PIEZO2: variants seen among roughly 807,000 people sequenced by gnomAD.
PIEZO2 encodes the protein piezo-type mechanosensitive ion channel component 2.
A neutral mutation model predicts 337.3 loss-of-function variants in PIEZO2; 172 were observed. The ratio of observed to expected loss-of-function variants is 0.51; its 90% CI spans 0.45 to 0.58. The LOEUF (loss-of-function observed/expected upper bound fraction) is 0.58. Among genes scored for constraint, PIEZO2 ranks in the 20% least tolerant of loss-of-function variants. The pLI, the probability that PIEZO2 is intolerant of heterozygous loss-of-function variation, is 0.00. For missense variants in PIEZO2, 3,028 were observed against 3,391.3 expected, an observed-to-expected ratio of 0.89 and a Z score of 2.66; for synonymous variants, 1,251 against 1,228.5, an observed-to-expected ratio of 1.02 and a Z score of -0.38.
rs2038408236 is a variant in PIEZO2, at chr18:10,767,400, G to A, written c.2946+2748C>T. The stretch of plus-strand genomic sequence containing the variant: ...GCACCCTTACTGAGGCCTTGGGTAA[G>A]GATGTCTGGAACCCAGAGCTGCCAC... On this transcript the variant is annotated intron_variant, in intron 21 of 55. Coordinates refer to ENST00000674853, the MANE Select transcript of PIEZO2 (RefSeq NM_001378183.1). The surrounding 1 kb of genome is among the most constrained non-coding windows in gnomAD (Gnocchi z 4.2). Among the ~76,000 whole-genome samples the A allele has an allele frequency of 6.6e-6, 1 of 152,140 alleles. No homozygotes were observed. The highest frequency in any genetic ancestry group is 1.5e-5 in the Non-Finnish European group (1 of 68,030).
chr18:10,920,384 G>C lies in PIEZO2; in HGVS notation c.287-9156C>G, dbSNP rs561421138. 3.7e-4 allele frequency among the ~76,000 whole-genome samples: 56 copies of C among 152,206 alleles called. No homozygotes were observed. The South Asian group carries it at 0.012, about 32-fold the overall frequency. ...CAGCAAAAAGTTATCGGAACAGTTA[G>C]GGACTGAAAATTCCTGGCAATTATA... On this transcript the variant is annotated intron_variant, in intron 3 of 55. Transcript: ENST00000674853.
At chr18:10,965,441 C>A (rs1195338024) in intron 3 of PIEZO2, among the ~76,000 whole-genome samples, 1 of 152,142 alleles carries the variant, frequency 6.6e-6, no homozygotes, top group Non-Finnish European at 1.5e-5. Context: ...CATTTGTACA[C>A]TGGAGTGAGG....
chr18:11,138,843 G>C (rs2146271952), intron 1 of PIEZO2, among the ~76,000 whole-genome samples: 1 of 152,262 alleles, frequency 6.6e-6, no homozygotes, highest in South Asian at 2.1e-4. Context: ...TGTTTCAAAG[G>C]TAACCATGAA....
chr18:11,052,677 G>A (rs1045784289), intron 2 of PIEZO2, among the ~76,000 whole-genome samples: 1 of 152,210 alleles, frequency 6.6e-6, no homozygotes, highest in Middle Eastern at 3.4e-3. Flanking sequence ...TAAGAGCAGT[G>A]TTTTTCTCCA....
intron 2 of PIEZO2, among the ~76,000 whole-genome samples, chr18:10,994,690 G>A (rs933381934): frequency 1.3e-5 from 2 of 151,722 alleles, no homozygotes; most frequent in Non-Finnish European, 2.9e-5. Flanking sequence ...TTACAGGTGT[G>A]AGCCAGCACA....
rs779441390 is a variant in PIEZO2, at chr18:10,691,367, G to C, written c.7207C>G (p.Leu2403Val). ...ACAAAGTACCAAAGCTGGGCAACCA[G>C]GTTCTGGCTGAATTTCCTAAAATGT... is the stretch of plus-strand genomic sequence containing the variant. ...GVTERKFSQN[L>V]VAQLWYFVKC... Residue 2403 changes from leucine (L) to valine (V), a missense_variant, in exon 48 of 56, where the codon CTG becomes GTG. By Grantham distance (32) the Leu-to-Val change is conservative (BLOSUM62 1). Coordinates refer to ENST00000674853, the MANE Select transcript of PIEZO2 (RefSeq NM_001378183.1). 1 of 1,611,672 alleles carries C rather than the reference G, an allele frequency of 6.2e-7. No individual in the cohort carries two copies. Among genetic ancestry groups the C allele is most frequent in the Non-Finnish European group, 8.5e-7 (1 of 1,179,168 alleles).
Position 10,850,224 on chromosome 18 carries a change from G to A in PIEZO2, c.917+5129C>T, listed in dbSNP as rs1448646108. 1.3e-5 allele frequency among the ~76,000 whole-genome samples: 2 copies of A among 152,184 alleles called. No individual in the cohort carries two copies. Among genetic ancestry groups the A allele is most frequent in the African/African-American group, 4.8e-5 (2 of 41,452 alleles). The stretch of plus-strand genomic sequence containing the variant: ...ACCACATGTGCAGATGAAACTGGAA[G>A]GAAGCACGTGATTTTTTGGGACCAT... On this transcript the variant is annotated intron_variant, in intron 7 of 55. Coordinates refer to ENST00000674853, the MANE Select transcript of PIEZO2 (RefSeq NM_001378183.1). This position sits in a 1 kb window ranked among gnomAD's most constrained non-coding sequence, Gnocchi z 4.5.
chr18:10,713,475 A>G lies in PIEZO2; in HGVS notation c.5423+1289T>C, dbSNP rs1302253615. Reference sequence around the variant, plus strand: ...TCCTATTTCATCTGGAAATATATCCAGCATTTGTGAAGGACAAATACTTTT... The same window carrying G: ...TCCTATTTCATCTGGAAATATATCCGGCATTTGTGAAGGACAAATACTTTT... On this transcript the variant is annotated intron_variant, in intron 39 of 55. Transcript: ENST00000674853. The surrounding 1 kb of genome is among the most constrained non-coding windows in gnomAD (Gnocchi z 4.5). Among the ~76,000 whole-genome samples, 2 of 152,184 alleles carry G rather than the reference A, an allele frequency of 1.3e-5. No homozygotes were observed. Among genetic ancestry groups the G allele is most frequent in the South Asian group, 2.1e-4 (1 of 4,836 alleles).
At chr18:10,818,770 G>A (rs907513678) in intron 7 of PIEZO2, among the ~76,000 whole-genome samples, 3 of 152,054 alleles carry the variant, frequency 2.0e-5, no homozygotes, top group Admixed American at 6.6e-5. Context: ...GCATCCTCAC[G>A]GGTGTTCCCT....
At chr18:11,023,095 A>C (rs553409989) in intron 2 of PIEZO2, among the ~76,000 whole-genome samples, 3 of 152,254 alleles carry the variant, frequency 2.0e-5, no homozygotes, top group East Asian at 3.9e-4. Context: ...TCATAAAGTC[A>C]GTGTGGACCC....
chr18:10,883,237 A>G (rs1203984984), intron 4 of PIEZO2, among the ~76,000 whole-genome samples: 7 of 152,096 alleles, frequency 4.6e-5, no homozygotes. Context: ...AGGGAGTATA[A>G]ATATCTCCTT....
chr18:11,039,358 A>C (rs2037033191), intron 2 of PIEZO2, among the ~76,000 whole-genome samples: 1 of 152,228 alleles, frequency 6.6e-6, no homozygotes, highest in African/African-American at 2.4e-5. Context: ...AAAGGGCGGA[A>C]AAAAGCTATT....
At chr18:10,686,905 G>T (rs1038187623) in intron 49 of PIEZO2, among the ~76,000 whole-genome samples, 11 of 152,130 alleles carry the variant, frequency 7.2e-5, no homozygotes, top group Admixed American at 2.0e-4. Context: ...ATAACTCCCT[G>T]TAACAGTGGA....
intron 4 of PIEZO2, among the ~76,000 whole-genome samples, chr18:10,874,067 C>T (rs2042205961): frequency 6.6e-6 from 1 of 152,014 alleles, no homozygotes; most frequent in Admixed American, 6.5e-5. Flanking sequence ...TGCAAACTAT[C>T]CAGCTGAAAG....
In PIEZO2 at chr18:10,813,661, C is replaced by A. The variant is rs1000227055; in HGVS notation, c.918-6387G>T. Among the ~76,000 whole-genome samples, 1 of 152,140 alleles carries A rather than the reference C, an allele frequency of 6.6e-6. No individual in the cohort carries two copies. The highest frequency in any genetic ancestry group is 1.5e-5 in the Non-Finnish European group (1 of 68,028). ...AATTCATCTGTTGATGGCACTTCCA[C>A]CTTCTGACTATTGTTCATAACGCTG... On this transcript the variant is annotated intron_variant, in intron 7 of 55. Transcript: ENST00000674853. The surrounding 1 kb of genome is among the most constrained non-coding windows in gnomAD (Gnocchi z 4.2).
rs1260409075 is a variant in PIEZO2 at position 11,021,151 on chromosome 18, G to A, written c.161-41491C>T. Among the ~76,000 whole-genome samples, 4 of 152,130 alleles carry A rather than the reference G, an allele frequency of 2.6e-5. No homozygotes were observed. The highest frequency in any genetic ancestry group is 5.9e-5 in the Non-Finnish European group (4 of 68,034). Reference sequence around the variant, plus strand: ...GATTCTCTTCCGTTACATCATGAAAGAAACTCTAGTCATCTCCACCGGTTC... The same window carrying A: ...GATTCTCTTCCGTTACATCATGAAAAAAACTCTAGTCATCTCCACCGGTTC... On this transcript the variant is annotated intron_variant, in intron 2 of 55. Transcript: ENST00000674853. The surrounding 1 kb of genome is among the most constrained non-coding windows in gnomAD (Gnocchi z 4.7).
chr18:10,909,888 C>T (rs2030305605), intron 4 of PIEZO2, among the ~76,000 whole-genome samples: 3 of 152,192 alleles, frequency 2.0e-5, no homozygotes, highest in Admixed American at 2.0e-4. Context: ...ATTATGAGCA[C>T]TTACTGAGAC....
chr18:11,082,241 A>G (rs917623330), intron 1 of PIEZO2, among the ~76,000 whole-genome samples: 5 of 152,192 alleles, frequency 3.3e-5, no homozygotes, highest in African/African-American at 1.2e-4. Context: ...GAAAGGAAAT[A>G]TGTATGACAA....
chr18:10,955,226 T>C (rs972587564), intron 3 of PIEZO2, among the ~76,000 whole-genome samples: 1 of 152,194 alleles, frequency 6.6e-6, no homozygotes, highest in Non-Finnish European at 1.5e-5. Context: ...TACATTCATA[T>C]CAAGATCAGC....
Sources: gnomAD v4.1 joint callset for allele counts (sites outside exome capture counted in the v4.1 genomes callset) on GRCh38, gnomAD v4.1.1 for gene constraint, Gnocchi (gnomAD v3.1) non-coding constraint, MANE v1.5 for transcripts, NCBI Gene and HGNC (gene_info 2026-07-23, HGNC 2026-07-21) for gene names.